CDH7: variants seen among roughly 807,000 people sequenced by gnomAD.
The protein encoded by CDH7 is cadherin-7.
CDH7 carries 25 observed loss-of-function variants against 71.8 expected under a neutral mutation model. The observed-to-expected ratio is 0.35, with a 90% CI of 0.25 to 0.49. CDH7 has a LOEUF of 0.49. Among genes scored for constraint, CDH7 ranks in the 20% least tolerant of loss-of-function variants. CDH7 has a pLI of 0.99. For missense variants in CDH7, 862 were observed against 974.6 expected, an observed-to-expected ratio of 0.88 and a Z score of 1.54; for synonymous variants, 381 against 363.8, an observed-to-expected ratio of 1.05 and a Z score of -0.54.
intron 1 of CDH7, among the ~76,000 whole-genome samples, chr18:65,754,987 C>T (rs540396957): frequency 2.0e-5 from 3 of 152,178 alleles, no homozygotes; most frequent in Admixed American, 2.0e-4. Flanking sequence ...GTTCCTTCAC[C>T]CTTTCTTCTT....
At chr18:65,766,894 A>T (rs1916389239) in intron 2 of CDH7, among the ~76,000 whole-genome samples, 2 of 50,250 alleles carry the variant, frequency 4.0e-5, no homozygotes, top group African/African-American at 4.8e-4. Context: ...GTAAAAAAAA[A>T]AAAAAAAAAA....
At chr18:65,805,536 T>A (rs1911285035) in intron 2 of CDH7, among the ~76,000 whole-genome samples, 1 of 152,196 alleles carries the variant, frequency 6.6e-6, no homozygotes, top group African/African-American at 2.4e-5. Flanking sequence ...GGATCAAGAG[T>A]CAGCCAAGTA....
intron 9 of CDH7, among the ~76,000 whole-genome samples, chr18:65,859,331 G>A (rs1463762884): frequency 6.6e-6 from 1 of 152,172 alleles, no homozygotes; most frequent in East Asian, 1.9e-4. Flanking sequence ...ATAGTACGCT[G>A]ATTGGGCTGT....
At chr18:65,788,956 C>A (rs776566043) in intron 2 of CDH7, among the ~76,000 whole-genome samples, 6 of 152,104 alleles carry the variant, frequency 3.9e-5, no homozygotes, top group Non-Finnish European at 7.3e-5. Context: ...TGGTCCTATA[C>A]AAAGTTATAT....
At chr18:65,832,970 G>A (rs1599037629) in intron 6 of CDH7, among the ~76,000 whole-genome samples, 1 of 152,088 alleles carries the variant, frequency 6.6e-6, no homozygotes, top group African/African-American at 2.4e-5. Flanking sequence ...CCCTATGAAA[G>A]ATAACTATGC....
chr18:65,762,440 C>G (rs1384305799), intron 1 of CDH7, among the ~76,000 whole-genome samples: 1 of 152,010 alleles, frequency 6.6e-6, no homozygotes, highest in African/African-American at 2.4e-5. Context: ...TCTGCATCAG[C>G]TGTATTTATG....
rs987476179 is a variant in CDH7, at chr18:65,886,830, T to C, written c.*5936T>C. 2.6e-5 allele frequency: 4 copies of C among 152,152 alleles called. No homozygotes were observed. The highest frequency in any genetic ancestry group is 2.1e-4 in the South Asian group (1 of 4,832). 9.4% of individuals were successfully genotyped at this position (152,152 alleles called of 1,614,324 possible). On this transcript the variant is annotated 3_prime_UTR_variant, in exon 12 of 12. Coordinates refer to ENST00000397968, the MANE Select transcript of CDH7 (RefSeq NM_004361.5). The stretch of plus-strand genomic sequence containing the variant: ...TTGATGACTCAAACTCACTTATATC[T>C]TACAACAGCTCATCTTAATCTCTTA...
chr18:65,862,640 T>C, intron 10 of CDH7, 26 bp from the exon 11 acceptor site: 1 of 1,608,518 alleles, frequency 6.2e-7, no homozygotes, highest in Non-Finnish European at 8.5e-7. Context: ...AAATCTGGTG[T>C]TATACATTTG....
At chr18:65,842,188 T>C (rs1429011731) in intron 6 of CDH7, among the ~76,000 whole-genome samples, 1 of 152,068 alleles carries the variant, frequency 6.6e-6, no homozygotes, top group Non-Finnish European at 1.5e-5. Context: ...TTTGTTGTTG[T>C]GTTGATTCAA....
At position 65,885,370 on chromosome 18, in the gene CDH7, G is replaced by GTGTTTTTT. The variant is rs1914341563; in HGVS notation, c.*4478_*4485dup. ...ATGTAACTGAAAAGGATGTGTGCCT[G>GTGTTTTTT]TGTTTTTTTTTTTTTTTTTTTTTTT... On this transcript the variant is annotated 3_prime_UTR_variant, in exon 12 of 12. Transcript: ENST00000397968. 1 of 21,330 alleles carries GTGTTTTTT rather than the reference G, an allele frequency of 4.7e-5. No homozygotes were observed. The highest frequency in any genetic ancestry group is 2.2e-4 in the Non-Finnish European group (1 of 4,614). The allele number at this position is 21,330 out of a possible 1,614,324, so 1.3% of individuals were successfully genotyped here.
Position 65,801,750 on chromosome 18 carries a change from C to G in CDH7, c.211-7954C>G, listed in dbSNP as rs1278181981. On this transcript the variant is annotated intron_variant, in intron 2 of 11. Coordinates refer to ENST00000397968, the MANE Select transcript of CDH7 (RefSeq NM_004361.5). ...CATTGAACAAATATTATTCTTATATCAGAATTGAAAAGATACTTTAGAAAA... is the reference window on the plus strand; with the variant it reads ...CATTGAACAAATATTATTCTTATATGAGAATTGAAAAGATACTTTAGAAAA... Among the ~76,000 whole-genome samples, 10 of 152,168 alleles carry G rather than the reference C, an allele frequency of 6.6e-5. No individual in the cohort carries two copies. The East Asian group carries it at 1.9e-3, about 29-fold the overall frequency.
Position 65,773,573 on chromosome 18 carries a change from C to T in CDH7, c.210+10521C>T, listed in dbSNP as rs1018672898. ...CTGGCTCCCTAACTTACAGATGATG[C>T]GACTTCAAGCAAACAGCCTATTTCC... On this transcript the variant is annotated intron_variant, in intron 2 of 11. Transcript: ENST00000397968. 8.6e-5 allele frequency among the ~76,000 whole-genome samples: 13 copies of T among 152,000 alleles called. No homozygotes were observed. In the South Asian group the frequency reaches 1.2e-3, roughly 15 times the overall value.
chr18:65,800,544 C>T (rs1045404021), intron 2 of CDH7, among the ~76,000 whole-genome samples: 1 of 152,088 alleles, frequency 6.6e-6, no homozygotes, highest in African/African-American at 2.4e-5. Flanking sequence ...TTCTGTAGAC[C>T]TCAGGCAGAG....
chr18:65,817,608 A>G (rs1315095008), intron 4 of CDH7, among the ~76,000 whole-genome samples: 1 of 152,208 alleles, frequency 6.6e-6, no homozygotes, highest in Non-Finnish European at 1.5e-5. Context: ...TCTTAAGTGT[A>G]AAACAAAATG....
chr18:65,781,966 C>CTCTTTCTCTCTTTCTCTCTTTCTT (rs1261365353), intron 2 of CDH7, among the ~76,000 whole-genome samples: 11 of 37,210 alleles, frequency 3.0e-4, no homozygotes, highest in South Asian at 8.7e-4. Flanking sequence ...CTCTCTTTCT[C>CTCTTTCTCTCTTTCTCTCTTTCTT]TCTCTCTCTC....
At chr18:65,804,915 TG>T (rs1242985303) in intron 2 of CDH7, among the ~76,000 whole-genome samples, 1 of 152,102 alleles carries the variant, frequency 6.6e-6, no homozygotes, top group Non-Finnish European at 1.5e-5. Flanking sequence ...TCCATCTAAG[TG>T]GTTCAGAGGA....
At chr18:65,750,707 C>G (rs2080222836), upstream of CDH7, 1 of 152,494 alleles carries the variant, frequency 6.6e-6, no homozygotes. Context: ...ACAGCGCTGA[C>G]AGCAGGCGCC....
chr18:65,776,610 C>A (rs1366075431), intron 2 of CDH7, among the ~76,000 whole-genome samples: 1 of 152,030 alleles, frequency 6.6e-6, no homozygotes. Flanking sequence ...AGTTAATTTT[C>A]TCTCACTCTC....
chr18:65,876,060 A>C (rs571136511), intron 11 of CDH7, among the ~76,000 whole-genome samples: 1 of 152,294 alleles, frequency 6.6e-6, no homozygotes, highest in African/African-American at 2.4e-5. Flanking sequence ...TCTTTTCTGC[A>C]TATTTCTCTG....
Sources: gnomAD v4.1 joint callset for allele counts (sites outside exome capture counted in the v4.1 genomes callset) on GRCh38, gnomAD v4.1.1 for gene constraint, MANE v1.5 for transcripts, NCBI Gene and HGNC (gene_info 2026-07-23, HGNC 2026-07-21) for gene names.